Variants in PTPRN2 observed in about 807,000 individuals in gnomAD.
PTPRN2 encodes protein tyrosine phosphatase receptor type N2, also known as receptor-type tyrosine-protein phosphatase N2.
PTPRN2 carries 74 observed loss-of-function variants against 118.8 expected under a neutral mutation model. That is an observed-to-expected ratio of 0.62 (90% CI 0.52 to 0.76). The LOEUF is 0.76. Ranked by LOEUF, PTPRN2 falls within the 30% of genes least tolerant of loss-of-function variation. The probability of loss-of-function intolerance (pLI) is 0.00; values close to 1 mark genes in which losing one functional copy is unlikely to be tolerated. For synonymous variants in PTPRN2, 641 were observed against 608.0 expected, an observed-to-expected ratio of 1.05 and a Z score of -0.80; for missense variants, 1,481 against 1,394.4, an observed-to-expected ratio of 1.06 and a Z score of -0.99.
intron 2 of PTPRN2, among the ~76,000 whole-genome samples, chr7:158,387,902 C>G (rs1190201709): frequency 6.6e-6 from 1 of 152,194 alleles, no homozygotes; most frequent in Non-Finnish European, 1.5e-5. Flanking sequence ...CGCCAGGCCC[C>G]CAATCGGTGA....
intron 2 of PTPRN2, among the ~76,000 whole-genome samples, chr7:158,411,977 C>G (rs1277245992): frequency 6.6e-6 from 1 of 151,128 alleles, no homozygotes; most frequent in African/African-American, 2.4e-5. Context: ...GCTCCAGGGC[C>G]CATCACAGCA....
chr7:158,008,734 A>C (rs1015012925), intron 11 of PTPRN2, among the ~76,000 whole-genome samples: 1 of 152,342 alleles, frequency 6.6e-6, no homozygotes, highest in African/African-American at 2.4e-5. Flanking sequence ...GCGGGCCTCT[A>C]ACGAATGTTT....
intron 9 of PTPRN2, among the ~76,000 whole-genome samples, chr7:158,117,600 C>A (rs1017944806): frequency 2.6e-5 from 4 of 152,116 alleles, no homozygotes; most frequent in Admixed American, 6.6e-5. Context: ...AAAATTAACT[C>A]AGAGACACAT....
At chr7:158,534,646 G>A (rs1201118428) in intron 1 of PTPRN2, among the ~76,000 whole-genome samples, 1 of 152,122 alleles carries the variant, frequency 6.6e-6, no homozygotes, top group Non-Finnish European at 1.5e-5. Flanking sequence ...AGTCCCTCCT[G>A]AAGACACATC....
At chr7:158,394,301 C>G (rs1319227935) in intron 2 of PTPRN2, among the ~76,000 whole-genome samples, 1 of 152,182 alleles carries the variant, frequency 6.6e-6, no homozygotes, top group Non-Finnish European at 1.5e-5. Context: ...GGCTCCCCCA[C>G]CAAGGAGCAG....
chr7:157,555,000 T>C (rs1319382494), intron 21 of PTPRN2, among the ~76,000 whole-genome samples: 2 of 152,122 alleles, frequency 1.3e-5, no homozygotes, highest in Non-Finnish European at 2.9e-5. Context: ...CGTCCCAGTG[T>C]GGTGAGCACC....
At chr7:158,418,992 T>C (rs566938321) in intron 2 of PTPRN2, among the ~76,000 whole-genome samples, 1 of 152,376 alleles carries the variant, frequency 6.6e-6, no homozygotes, top group African/African-American at 2.4e-5. Flanking sequence ...CATGAAACAA[T>C]CCTCATTTTC....
intron 11 of PTPRN2, among the ~76,000 whole-genome samples, chr7:158,052,811 C>CAGG (rs1809438681): frequency 6.6e-6 from 1 of 152,180 alleles, no homozygotes; most frequent in South Asian, 2.1e-4. Context: ...TTGGAGACAC[C>CAGG]TGGCCACAGT....
Position 157,861,722 on chromosome 7 carries a change from C to T in PTPRN2, c.1788+36951G>A, listed in dbSNP as rs1201567244. Among the ~76,000 whole-genome samples, 1 of 152,240 alleles carries T rather than the reference C, an allele frequency of 6.6e-6. No homozygotes were observed. The highest frequency in any genetic ancestry group is 1.5e-5 in the Non-Finnish European group (1 of 68,034). ...GGGGACACCGACCCTTCCTGACTCC[C>T]AGCCTCTGCGTTGCCAGCAGCCCTC... is the stretch of plus-strand genomic sequence containing the variant. On this transcript the variant is annotated intron_variant, in intron 12 of 22. Coordinates refer to ENST00000389418, the MANE Select transcript of PTPRN2 (RefSeq NM_002847.5). This position sits in a 1 kb window ranked among gnomAD's most constrained non-coding sequence, Gnocchi z 5.8.
chr7:157,822,481 T>A (rs1412011713), intron 12 of PTPRN2, among the ~76,000 whole-genome samples: 1 of 151,824 alleles, frequency 6.6e-6, no homozygotes, highest in Non-Finnish European at 1.5e-5. Flanking sequence ...CCCATCTATA[T>A]GCTATCCATC....
Position 157,934,028 on chromosome 7 carries a change from G to A in PTPRN2, c.1724-35291C>T, listed in dbSNP as rs970674379. Among the ~76,000 whole-genome samples, 8 of 152,332 alleles carry A rather than the reference G, an allele frequency of 5.3e-5. 1 individual carries two copies. The highest frequency in any genetic ancestry group is 4.1e-4 in the South Asian group (2 of 4,830). On this transcript the variant is annotated intron_variant, in intron 11 of 22. Coordinates refer to ENST00000389418, the MANE Select transcript of PTPRN2 (RefSeq NM_002847.5). Reference sequence around the variant, plus strand: ...CACCATGCTCCTTGGCTGGTATACCGTGGCTGCCTCAGGAATAGACTGGGT... The same window carrying A: ...CACCATGCTCCTTGGCTGGTATACCATGGCTGCCTCAGGAATAGACTGGGT...
chr7:157,726,823 C>G (rs935445160), intron 12 of PTPRN2, among the ~76,000 whole-genome samples: 1 of 152,138 alleles, frequency 6.6e-6, no homozygotes, highest in Admixed American at 6.5e-5. Flanking sequence ...GATGGAAAAC[C>G]ATCTCGTTCA....
chr7:157,721,757 C>T (rs552148696), intron 12 of PTPRN2, among the ~76,000 whole-genome samples: 14 of 152,286 alleles, frequency 9.2e-5, no homozygotes, highest in South Asian at 8.3e-4. Flanking sequence ...CCTGGAGAGC[C>T]GGGTTTCTGC....
At chr7:157,668,179 CT>C (rs1277708222) in intron 13 of PTPRN2, among the ~76,000 whole-genome samples, 7 of 152,256 alleles carry the variant, frequency 4.6e-5, no homozygotes, top group Non-Finnish European at 7.3e-5. Context: ...TCTTATACTT[CT>C]CTATAACACA....
intron 11 of PTPRN2, among the ~76,000 whole-genome samples, chr7:158,001,782 C>T (rs1047007453): frequency 6.6e-6 from 1 of 152,236 alleles, no homozygotes; most frequent in African/African-American, 2.4e-5. Context: ...GCCCGCTGGC[C>T]TTCCAGGAAC....
chr7:157,773,456 C>A (rs1206403888), intron 12 of PTPRN2, among the ~76,000 whole-genome samples: 1 of 152,250 alleles, frequency 6.6e-6, no homozygotes, highest in Non-Finnish European at 1.5e-5. Context: ...TCAAGCCCAC[C>A]TGCCTCTTCC....
At chr7:157,641,025 A>G (rs1804634529) in intron 14 of PTPRN2, among the ~76,000 whole-genome samples, 1 of 152,258 alleles carries the variant, frequency 6.6e-6, no homozygotes. Flanking sequence ...TATGAAAGCT[A>G]GTAAAACAAA....
At chr7:157,604,227 C>T in intron 15 of PTPRN2, 152 bp from the exon 16 acceptor site, 1 of 692,776 alleles carries the variant, frequency 1.4e-6, no homozygotes. Context: ...TCCCAAACAG[C>T]CTCCAGGGCC....
chr7:157,969,512 C>G (rs1237359016), intron 11 of PTPRN2, among the ~76,000 whole-genome samples: 3 of 152,124 alleles, frequency 2.0e-5, no homozygotes, highest in Admixed American at 6.5e-5. Context: ...GAGTGGGGAG[C>G]TGGGAGGTGG....
Sources: allele counts gnomAD v4.1 joint callset (sites outside exome capture counted in the v4.1 genomes callset), GRCh38; gene constraint gnomAD v4.1.1; non-coding constraint Gnocchi (gnomAD v3.1); transcripts MANE v1.5; gene names NCBI Gene and HGNC (gene_info 2026-07-23, HGNC 2026-07-21).